Variants in SHANK2 observed in about 807,000 individuals in gnomAD.
SHANK2 encodes SH3 and multiple ankyrin repeat domains 2, also known as SH3 and multiple ankyrin repeat domains protein 2.
In SHANK2, 43 loss-of-function variants were observed where a neutral mutation model predicts 133.7. The observed-to-expected ratio is 0.32, with a 90% CI of 0.25 to 0.41. SHANK2 has a LOEUF of 0.41. SHANK2 is among the 10% of genes least tolerant of loss of function. The pLI, the probability that SHANK2 is intolerant of heterozygous loss-of-function variation, is 1.00. For synonymous variants in SHANK2, 1,017 were observed against 952.8 expected (o/e 1.07, Z -1.24); for missense variants, 1,994 against 2,235.8 (o/e 0.89, Z 2.18).
rs2058605679 is a variant in SHANK2, at chr11:70,472,319, G to C, written c.*550C>G. 6.3e-6 allele frequency: 1 copy of C among 158,462 alleles called. No individual in the cohort carries two copies. Among genetic ancestry groups the C allele is most frequent in the Admixed American group, 6.0e-5 (1 of 16,600 alleles). 9.8% of individuals were successfully genotyped at this position (158,462 alleles called of 1,614,324 possible). On this transcript the variant is annotated 3_prime_UTR_variant, in exon 26 of 26. Transcript: ENST00000601538. The surrounding 1 kb of genome is among the most constrained non-coding windows in gnomAD (Gnocchi z 4.4). Reference sequence around the variant, plus strand: ...AAGTTTCTCTGCCTTTCAGGCCCATGATGGGGCACTGGACAAATGCATCTG... The same window carrying C: ...AAGTTTCTCTGCCTTTCAGGCCCATCATGGGGCACTGGACAAATGCATCTG...
chr11:70,915,799 C>G (rs1019854606), intron 10 of SHANK2, among the ~76,000 whole-genome samples: 1 of 152,208 alleles, frequency 6.6e-6, no homozygotes, highest in Non-Finnish European at 1.5e-5. Context: ...GAGAAAGATG[C>G]GTTGCTCAGT....
intron 14 of SHANK2, among the ~76,000 whole-genome samples, chr11:70,703,860 C>A (rs1945599368): frequency 6.6e-6 from 1 of 152,254 alleles, no homozygotes; most frequent in South Asian, 2.1e-4. Context: ...CCAGCCCTTT[C>A]TCAGCTCCAG....
chr11:70,707,090 G>A (rs1555025084), intron 14 of SHANK2, among the ~76,000 whole-genome samples: 1 of 152,132 alleles, frequency 6.6e-6, no homozygotes, highest in East Asian at 1.9e-4. Context: ...TAGAAGGTGG[G>A]GCAAGGTGTG....
intron 17 of SHANK2, among the ~76,000 whole-genome samples, chr11:70,586,821 C>A (rs1482417138): frequency 2.6e-5 from 4 of 152,222 alleles, no homozygotes; most frequent in African/African-American, 9.6e-5. Flanking sequence ...ACCAGTACCT[C>A]ACCCCCCCAG....
intron 11 of SHANK2, among the ~76,000 whole-genome samples, chr11:70,840,256 C>T (rs1175699115): frequency 6.6e-6 from 1 of 152,160 alleles, no homozygotes; most frequent in Non-Finnish European, 1.5e-5. Context: ...TGGGTGGGTG[C>T]CTCGGAGGGC....
At chr11:70,924,567 C>T (rs1443254121) in intron 10 of SHANK2, among the ~76,000 whole-genome samples, 1 of 152,202 alleles carries the variant, frequency 6.6e-6, no homozygotes, top group Non-Finnish European at 1.5e-5. Flanking sequence ...AGTGGTTCTC[C>T]TGCCTCAGCC....
At chr11:70,608,045 A>G (rs1268316901) in intron 17 of SHANK2, among the ~76,000 whole-genome samples, 1 of 152,222 alleles carries the variant, frequency 6.6e-6, no homozygotes, top group Non-Finnish European at 1.5e-5. Flanking sequence ...GCTCCTGACC[A>G]CTGCCCGCCA....
chr11:70,518,583 AT>A (rs1364509883), intron 17 of SHANK2, among the ~76,000 whole-genome samples: 1 of 152,134 alleles, frequency 6.6e-6, no homozygotes, highest in Non-Finnish European at 1.5e-5. Context: ...TTTGCAGTTC[AT>A]TTGCTGAAGA....
intron 9 of SHANK2, among the ~76,000 whole-genome samples, chr11:71,063,114 G>C (rs1230856471): frequency 6.6e-6 from 1 of 151,626 alleles, no homozygotes; most frequent in African/African-American, 2.4e-5. Flanking sequence ...GGAAAAGAAA[G>C]AAAAAGTAAA....
chr11:70,899,527 GA>G (rs1482243603), intron 10 of SHANK2, among the ~76,000 whole-genome samples: 1 of 152,200 alleles, frequency 6.6e-6, no homozygotes, highest in East Asian at 1.9e-4. Context: ...CCTTGGGCAT[GA>G]AGGTAGAAAA....
At chr11:70,555,880 A>G (rs1073294) in intron 17 of SHANK2, among the ~76,000 whole-genome samples, 88,764 of 152,116 alleles carry the variant, frequency 0.58, 26,287 homozygotes, top group South Asian at 0.71. Context: ...CCTAATCCAC[A>G]GCAAGGCCCT....
At chr11:71,087,702 C>T (rs1352887982) in intron 8 of SHANK2, among the ~76,000 whole-genome samples, 2 of 152,292 alleles carry the variant, frequency 1.3e-5, no homozygotes, top group East Asian at 3.9e-4. Context: ...AATATCGGCT[C>T]ACTATAACCT....
At chr11:71,070,251 T>C (rs1951125846) in intron 9 of SHANK2, among the ~76,000 whole-genome samples, 1 of 151,922 alleles carries the variant, frequency 6.6e-6, no homozygotes, top group African/African-American at 2.4e-5. Flanking sequence ...AGGGAGGAGA[T>C]TAAAGACACC....
chr11:70,715,546 G>T (rs1288996832), intron 14 of SHANK2, among the ~76,000 whole-genome samples: 5 of 152,218 alleles, frequency 3.3e-5, no homozygotes, highest in African/African-American at 1.2e-4. Flanking sequence ...CTGGACAAAT[G>T]AATCAAGCTG....
intron 14 of SHANK2, among the ~76,000 whole-genome samples, chr11:70,772,375 G>GAAA (rs1947270228): frequency 6.6e-6 from 1 of 151,286 alleles, no homozygotes; most frequent in Non-Finnish European, 1.5e-5. Context: ...AGGAGGCAGA[G>GAAA]GTTGCAGTGA....
intron 15 of SHANK2, among the ~76,000 whole-genome samples, chr11:70,666,297 A>G (rs1260620475): frequency 6.6e-6 from 1 of 152,132 alleles, no homozygotes; most frequent in African/African-American, 2.4e-5. Context: ...AAGCAATGGG[A>G]CACTCTAGAA....
intron 8 of SHANK2, among the ~76,000 whole-genome samples, chr11:71,077,184 G>C (rs1378437518): frequency 3.3e-5 from 5 of 152,260 alleles, no homozygotes; most frequent in African/African-American, 9.6e-5. Flanking sequence ...AAGGATCCCT[G>C]GCTATTTGGC....
intron 8 of SHANK2, among the ~76,000 whole-genome samples, chr11:71,081,454 C>A (rs1429353445): frequency 6.6e-6 from 1 of 152,242 alleles, no homozygotes; most frequent in African/African-American, 2.4e-5. Flanking sequence ...TGCCCACCTT[C>A]CCCATGGAGC....
chr11:70,506,974 C>G (rs2059145242), intron 17 of SHANK2, among the ~76,000 whole-genome samples: 2 of 152,332 alleles, frequency 1.3e-5, no homozygotes, highest in Non-Finnish European at 2.9e-5. Context: ...GGGTCAAATC[C>G]CACCCACACA....
Sources: gnomAD v4.1 joint callset for allele counts (sites outside exome capture counted in the v4.1 genomes callset) on GRCh38, gnomAD v4.1.1 for gene constraint, Gnocchi (gnomAD v3.1) non-coding constraint, MANE v1.5 for transcripts, NCBI Gene and HGNC (gene_info 2026-07-23, HGNC 2026-07-21) for gene names.